SORBS2: variants seen among roughly 807,000 people sequenced by gnomAD.
SORBS2 encodes the protein sorbin and SH3 domain containing 2.
In SORBS2, 46 loss-of-function variants were observed where a neutral mutation model predicts 97.7. The observed-to-expected ratio is 0.47, with a 90% CI of 0.37 to 0.60. The LOEUF is 0.60. Ranked by LOEUF, SORBS2 falls within the 20% of genes least tolerant of loss-of-function variation. SORBS2 has a pLI of 0.00. For missense variants in SORBS2, 1,316 were observed against 1,282.3 expected (o/e 1.03, Z -0.40); for synonymous variants, 476 against 473.4 (o/e 1.01, Z -0.07).
intron 2 of SORBS2, among the ~76,000 whole-genome samples, chr4:185,733,257 T>A (rs568440728): frequency 1.3e-5 from 2 of 152,210 alleles, no homozygotes; most frequent in African/African-American, 4.8e-5. Flanking sequence ...ATAAATTTGC[T>A]TTTGGGGAGA....
rs189291441 is a variant in SORBS2 at position 185,709,594 on chromosome 4, G to A, written c.-197-30772C>T. Among the ~76,000 whole-genome samples the A allele has an allele frequency of 7.2e-5, 11 of 152,092 alleles. No individual in the cohort carries two copies. In the East Asian group the frequency reaches 1.5e-3, roughly 21 times the overall value. ...TAAAACAATATATTCCTATGATAAGGCAGAAAAATTAACCTACCCTTCCCT... is the reference window on the plus strand; with the variant it reads ...TAAAACAATATATTCCTATGATAAGACAGAAAAATTAACCTACCCTTCCCT... On this transcript the variant is annotated intron_variant, in intron 2 of 20. Transcript: ENST00000284776.
chr4:185,754,278 C>A (rs920187134), intron 2 of SORBS2, among the ~76,000 whole-genome samples: 11 of 152,118 alleles, frequency 7.2e-5, no homozygotes, highest in Non-Finnish European at 1.5e-4. Flanking sequence ...AAGGGAATAA[C>A]AAACACCACA....
intron 1 of SORBS2, among the ~76,000 whole-genome samples, chr4:185,784,273 A>G (rs552485865): frequency 6.6e-6 from 1 of 152,210 alleles, no homozygotes; most frequent in Non-Finnish European, 1.5e-5. Flanking sequence ...CTGGGACTAC[A>G]GGCACCTGCC....
At chr4:185,594,658 A>T (rs2096041717) in intron 12 of SORBS2, among the ~76,000 whole-genome samples, 1 of 152,240 alleles carries the variant, frequency 6.6e-6, no homozygotes, top group South Asian at 2.1e-4. Context: ...CAGTATCTGT[A>T]ATAGATACTT....
rs190646558 is a variant in SORBS2, at chr4:185,616,727, A to G, written c.2352-1568T>C. On this transcript the variant is annotated intron_variant, in intron 9 of 14. Transcript: ENST00000418609. ...CTCAGACCTAGAATTTTAAAGTCCC[A>G]TTTGCTTTTTTCCCCTCACTTTTAT... 2.0e-5 allele frequency among the ~76,000 whole-genome samples: 3 copies of G among 152,170 alleles called. No individual in the cohort carries two copies. In the East Asian group the frequency reaches 5.8e-4, roughly 29 times the overall value.
At chr4:185,716,187 C>T (rs1204297390) in intron 2 of SORBS2, among the ~76,000 whole-genome samples, 2 of 152,204 alleles carry the variant, frequency 1.3e-5, no homozygotes, top group East Asian at 1.9e-4. Flanking sequence ...CGTGGTCTCC[C>T]GTAACACCTG....
chr4:185,846,822 G>T (rs1049020286), intron 1 of SORBS2, among the ~76,000 whole-genome samples: 8 of 152,188 alleles, frequency 5.3e-5, no homozygotes, highest in African/African-American at 1.9e-4. Flanking sequence ...AGAGGGGGAA[G>T]GGGGAGAATG....
chr4:185,692,763 T>C (rs1325536490), intron 2 of SORBS2, among the ~76,000 whole-genome samples: 1 of 151,638 alleles, frequency 6.6e-6, no homozygotes, highest in African/African-American at 2.4e-5. Flanking sequence ...TATATATGTA[T>C]AGTGTAATCC....
In SORBS2 at chr4:185,745,975, C is replaced by G. The variant is rs557118988; in HGVS notation, c.-198+29252G>C. On this transcript the variant is annotated intron_variant, in intron 2 of 20. Coordinates refer to the SORBS2 transcript ENST00000284776. ...GCAAACGATATCACCAAAGTCCTAA[C>G]TCTATCCTCCCACTCTGTGAACTAC... is the stretch of plus-strand genomic sequence containing the variant. 2.0e-5 allele frequency among the ~76,000 whole-genome samples: 3 copies of G among 152,316 alleles called. No individual in the cohort carries two copies. In the East Asian group the frequency reaches 5.8e-4, roughly 29 times the overall value.
intron 1 of SORBS2, among the ~76,000 whole-genome samples, chr4:185,872,121 C>A (rs771528938): frequency 5.3e-5 from 8 of 152,182 alleles, no homozygotes; most frequent in Non-Finnish European, 1.0e-4. Context: ...CATGCTCTAG[C>A]CTCATTTTCA....
chr4:185,829,727 A>T (rs1382528677), intron 1 of SORBS2, among the ~76,000 whole-genome samples: 5 of 152,232 alleles, frequency 3.3e-5, no homozygotes. Context: ...CCTACTCGGT[A>T]CTTACACATC....
intron 11 of SORBS2, among the ~76,000 whole-genome samples, chr4:185,614,159 G>GTTTTTTTTT (rs34929054): frequency 4.4e-4 from 40 of 91,604 alleles, no homozygotes; most frequent in East Asian, 1.2e-3. Context: ...GTTTTTTTGT[G>GTTTTTTTTT]TTTTTTTTTT....
chr4:185,619,027 C>A (rs1328091584), intron 8 of SORBS2, among the ~76,000 whole-genome samples: 2 of 152,122 alleles, frequency 1.3e-5, no homozygotes, highest in African/African-American at 4.8e-5. Context: ...AATAAAAGGA[C>A]CAGATGTCAT....
At chr4:185,838,561 C>A (rs2099209585) in intron 1 of SORBS2, among the ~76,000 whole-genome samples, 1 of 152,214 alleles carries the variant, frequency 6.6e-6, no homozygotes, top group African/African-American at 2.4e-5. Flanking sequence ...GGGCCTCACT[C>A]CCATGTGACA....
intron 11 of SORBS2, among the ~76,000 whole-genome samples, chr4:185,612,801 T>C (rs1580950036): frequency 6.6e-6 from 1 of 151,488 alleles, no homozygotes; most frequent in African/African-American, 2.4e-5. Context: ...CTTTTCTTCT[T>C]TAATCTACAT....
chr4:185,850,258 G>T (rs1426970268), intron 1 of SORBS2, among the ~76,000 whole-genome samples: 9 of 152,158 alleles, frequency 5.9e-5, no homozygotes, highest in Non-Finnish European at 1.0e-4. Context: ...TGACTGAGTT[G>T]GGAAAAACAC....
intron 2 of SORBS2, among the ~76,000 whole-genome samples, chr4:185,698,832 C>T (rs1173203390): frequency 6.6e-6 from 1 of 151,828 alleles, no homozygotes; most frequent in South Asian, 2.1e-4. Flanking sequence ...GCATATTAGA[C>T]CTCCTTGGTC....
chr4:185,611,897 G>C (rs1337449221), exon 12 of SORBS2: 1 of 1,613,816 alleles, frequency 6.2e-7, no homozygotes, highest in East Asian at 2.2e-5. Flanking sequence ...AGGAAACAGG[G>C]AAGATGCCTT....
At chr4:185,658,127 C>T (rs535070482), upstream of SORBS2, among the ~76,000 whole-genome samples, 14 of 152,116 alleles carry the variant, frequency 9.2e-5, 1 homozygote, top group South Asian at 2.3e-3. Flanking sequence ...GAAGCAAAAC[C>T]AAAAATCACT....
Sources: allele counts gnomAD v4.1 joint callset (sites outside exome capture counted in the v4.1 genomes callset), GRCh38; gene constraint gnomAD v4.1.1; transcripts MANE v1.5; gene names NCBI Gene and HGNC (gene_info 2026-07-23, HGNC 2026-07-21).